Variants in COL23A1 observed in about 807,000 individuals in gnomAD.
The protein encoded by COL23A1 is collagen type XXIII alpha 1 chain, also known as collagen alpha-1(XXIII) chain.
Under a neutral mutation model 99.3 loss-of-function variants are expected in COL23A1, and 97 were observed. The ratio of observed to expected loss-of-function variants is 0.98; its 90% CI spans 0.83 to 1.16. The LOEUF is 1.16. Ranked by LOEUF, COL23A1 falls within the 50% of genes most tolerant of loss-of-function variation. COL23A1 has a pLI of 0.00. For missense variants in COL23A1, 762 were observed against 757.4 expected (o/e 1.01, Z -0.07); for synonymous variants, 320 against 308.2 (o/e 1.04, Z -0.40).
rs1017674855 is a variant in COL23A1 at position 178,400,795 on chromosome 5, G to A, written c.362-93876C>T. Among the ~76,000 whole-genome samples the A allele has an allele frequency of 9.9e-5, 15 of 152,084 alleles. No homozygotes were observed. In the East Asian group the frequency reaches 1.4e-3, roughly 14 times the overall value. On this transcript the variant is annotated intron_variant, in intron 2 of 28. Coordinates refer to ENST00000390654, the MANE Select transcript of COL23A1 (RefSeq NM_173465.4). ...TGGGATTACAGGCACCTGCCACTAC[G>A]CCCGGCTAATTTTTGTATTTTTAGT...
intron 2 of COL23A1, among the ~76,000 whole-genome samples, chr5:178,399,312 C>T (rs1764312269): frequency 6.6e-6 from 1 of 152,108 alleles, no homozygotes; most frequent in Non-Finnish European, 1.5e-5. Flanking sequence ...AAGGGAGGGC[C>T]CCTGGGAGGG....
intron 2 of COL23A1, among the ~76,000 whole-genome samples, chr5:178,458,159 C>T (rs1210086401): frequency 7.5e-3 from 19 of 2,520 alleles, no homozygotes; most frequent in Admixed American, 0.073. Flanking sequence ...GAAATAACTG[C>T]GATTGACCTC....
chr5:178,528,613 C>T (rs510353), intron 2 of COL23A1, among the ~76,000 whole-genome samples: 36,180 of 152,098 alleles, frequency 0.24, 4,490 homozygotes, highest in African/African-American at 0.26. Flanking sequence ...GAGTTTGAGA[C>T]CAGCCTGACC....
At chr5:178,377,711 G>A (rs190933000) in intron 2 of COL23A1, among the ~76,000 whole-genome samples, 80 of 152,294 alleles carry the variant, frequency 5.3e-4, no homozygotes, top group African/African-American at 1.9e-3. Flanking sequence ...CGCGAGTCAC[G>A]GTCACAGTCT....
chr5:178,367,186 G>T (rs1762530165), intron 2 of COL23A1, among the ~76,000 whole-genome samples: 1 of 152,160 alleles, frequency 6.6e-6, no homozygotes, highest in Admixed American at 6.5e-5. Context: ...AGCTTGATCT[G>T]CTTGGAAACC....
intron 28 of COL23A1, 28 bp downstream of exon 28, chr5:178,239,113 C>T: frequency 6.2e-7 from 1 of 1,614,014 alleles, no homozygotes. Context: ...TCTCCCAAGC[C>T]TGCCCTGGAG....
chr5:178,522,759 T>C (rs1471516118), intron 2 of COL23A1, among the ~76,000 whole-genome samples: 1 of 152,032 alleles, frequency 6.6e-6, no homozygotes, highest in African/African-American at 2.4e-5. Context: ...TAAGCACCCA[T>C]ACAAGAGCAC....
intron 1 of COL23A1, among the ~76,000 whole-genome samples, chr5:178,564,321 G>T (rs1045216439): frequency 6.6e-6 from 1 of 151,876 alleles, no homozygotes; most frequent in Non-Finnish European, 1.5e-5. Flanking sequence ...CCCACCTCCA[G>T]GCCCCTCACT....
chr5:178,501,050 T>C (rs1562028363), intron 2 of COL23A1, among the ~76,000 whole-genome samples: 2 of 152,208 alleles, frequency 1.3e-5, no homozygotes, highest in Non-Finnish European at 2.9e-5. Context: ...GGAGTAGATA[T>C]AGTTTTCCCT....
rs1052443877 is a variant in COL23A1 at position 178,307,335 on chromosome 5, T to G, written c.362-416A>C. ...AAGCCCTGACAAACGCTGCTTCATA[T>G]TCACTAAAGTAAAACAACAAAGCCA... On this transcript the variant is annotated intron_variant, in intron 2 of 28. Transcript: ENST00000390654. The surrounding 1 kb of genome is among the most constrained non-coding windows in gnomAD (Gnocchi z 4.2). Among the ~76,000 whole-genome samples, 1 of 152,224 alleles carries G rather than the reference T, an allele frequency of 6.6e-6. No individual in the cohort carries two copies. The highest frequency in any genetic ancestry group is 1.5e-5 in the Non-Finnish European group (1 of 68,040).
chr5:178,300,665 T>G (rs1757983996), intron 3 of COL23A1, among the ~76,000 whole-genome samples: 1 of 151,986 alleles, frequency 6.6e-6, no homozygotes, highest in Admixed American at 6.6e-5. Context: ...TTCAAGCAAC[T>G]CTCGTGCCTC....
At chr5:178,261,363 G>C (rs1765613846) in intron 11 of COL23A1, among the ~76,000 whole-genome samples, 1 of 152,020 alleles carries the variant, frequency 6.6e-6, no homozygotes, top group Admixed American at 6.5e-5. Flanking sequence ...GCAGTGAGCT[G>C]TGATCGTGCC....
At chr5:178,334,329 T>C (rs1316035526) in intron 2 of COL23A1, among the ~76,000 whole-genome samples, 1 of 152,228 alleles carries the variant, frequency 6.6e-6, no homozygotes, top group African/African-American at 2.4e-5. Flanking sequence ...CCAAAGCACA[T>C]GCCTGGATCG....
At chr5:178,501,744 T>C (rs919502344) in intron 2 of COL23A1, among the ~76,000 whole-genome samples, 1 of 152,088 alleles carries the variant, frequency 6.6e-6, no homozygotes. Context: ...CAAGGTTAAG[T>C]AGGGAGCTGG....
At chr5:178,324,397 T>C (rs771122246) in intron 2 of COL23A1, among the ~76,000 whole-genome samples, 1 of 152,162 alleles carries the variant, frequency 6.6e-6, no homozygotes, top group Non-Finnish European at 1.5e-5. Context: ...GCGCTCAGGA[T>C]GGCTGGAGTC....
intron 2 of COL23A1, among the ~76,000 whole-genome samples, chr5:178,380,841 G>C (rs1033658035): frequency 1.3e-5 from 2 of 152,198 alleles, no homozygotes; most frequent in African/African-American, 4.8e-5. Flanking sequence ...CTTTCTGCCA[G>C]GACAGCCTTC....
At chr5:178,501,569 T>C (rs1350174396) in intron 2 of COL23A1, among the ~76,000 whole-genome samples, 1 of 149,626 alleles carries the variant, frequency 6.7e-6, no homozygotes, top group African/African-American at 2.5e-5. Context: ...AGAAAGGCTC[T>C]GTCTCAAAAA....
rs1183299852 is a variant in COL23A1 at position 178,415,044 on chromosome 5, A to G, written c.362-108125T>C. Among the ~76,000 whole-genome samples, 1 of 152,138 alleles carries G rather than the reference A, an allele frequency of 6.6e-6. No homozygotes were observed. The highest frequency in any genetic ancestry group is 1.9e-4 in the East Asian group (1 of 5,176). On this transcript the variant is annotated intron_variant, in intron 2 of 28. Transcript: ENST00000390654. This position sits in a 1 kb window ranked among gnomAD's most constrained non-coding sequence, Gnocchi z 4.6. The stretch of plus-strand genomic sequence containing the variant: ...GACCTGCCTCTCTGCTTCCACAATA[A>G]GATGAGGGCAGGTTTTTAAACAGTT...
chr5:178,249,049 G>C, intron 19 of COL23A1, 68 bp downstream of exon 19: 2 of 1,515,762 alleles, frequency 1.3e-6, no homozygotes, highest in African/African-American at 2.7e-5. Flanking sequence ...CCACAGCACG[G>C]GGGGCACACA....
Sources: allele counts gnomAD v4.1 joint callset (sites outside exome capture counted in the v4.1 genomes callset), GRCh38; gene constraint gnomAD v4.1.1; non-coding constraint Gnocchi (gnomAD v3.1); transcripts MANE v1.5; gene names NCBI Gene and HGNC (gene_info 2026-07-23, HGNC 2026-07-21).